CNTN1: variants seen among roughly 807,000 people sequenced by gnomAD.
The protein encoded by CNTN1 is contactin 1.
Under a neutral mutation model 126.4 loss-of-function variants are expected in CNTN1, and 38 were observed. The ratio of observed to expected loss-of-function variants is 0.30; its 90% CI spans 0.23 to 0.39. The LOEUF is 0.39. Among genes scored for constraint, CNTN1 ranks in the 10% least tolerant of loss-of-function variants. CNTN1 has a pLI of 1.00. For synonymous variants in CNTN1, 413 were observed against 422.6 expected (o/e 0.98, Z 0.28); for missense variants, 1,009 against 1,248.4 (o/e 0.81, Z 2.89).
At chr12:40,958,100 C>T (rs2137003088) in intron 14 of CNTN1, among the ~76,000 whole-genome samples, 1 of 152,136 alleles carries the variant, frequency 6.6e-6, no homozygotes, top group African/African-American at 2.4e-5. Context: ...TCCAAGTTTT[C>T]ATTCTAAGAA....
intron 1 of CNTN1, among the ~76,000 whole-genome samples, chr12:40,755,869 GA>G (rs1324741306): frequency 6.6e-6 from 1 of 151,994 alleles, no homozygotes; most frequent in Non-Finnish European, 1.5e-5. Flanking sequence ...TGAGGGAAGG[GA>G]TATTAATAGC....
chr12:40,946,027 G>T (rs1234749914), intron 14 of CNTN1, among the ~76,000 whole-genome samples: 1 of 152,094 alleles, frequency 6.6e-6, no homozygotes, highest in Non-Finnish European at 1.5e-5. Flanking sequence ...CACATGTTTA[G>T]CATGTCATAG....
chr12:40,814,112 G>A (rs1364147356), intron 1 of CNTN1, among the ~76,000 whole-genome samples: 1 of 152,094 alleles, frequency 6.6e-6, no homozygotes, highest in Non-Finnish European at 1.5e-5. Flanking sequence ...TGTCAGATGG[G>A]TAGATTGCAA....
chr12:41,005,792 A>G (rs1004983868), intron 17 of CNTN1, among the ~76,000 whole-genome samples: 18 of 151,934 alleles, frequency 1.2e-4, no homozygotes, highest in South Asian at 4.2e-4. Flanking sequence ...TCTTTTCTAA[A>G]CTGTCTATTT....
chr12:40,939,274 A>C, intron 11 of CNTN1, 61 bp from the exon 12 acceptor site: 1 of 1,562,084 alleles, frequency 6.4e-7, no homozygotes, highest in Non-Finnish European at 8.8e-7. Context: ...TCTACAACAC[A>C]GAAGCAATGT....
At chr12:40,954,712 G>A (rs1207682619) in intron 14 of CNTN1, among the ~76,000 whole-genome samples, 1 of 152,092 alleles carries the variant, frequency 6.6e-6, no homozygotes, top group Non-Finnish European at 1.5e-5. Context: ...ATATACATGG[G>A]TACAGCTTCT....
At chr12:40,742,326 C>T (rs1216784430) in intron 1 of CNTN1, 1 of 152,094 alleles carries the variant, frequency 6.6e-6, no homozygotes, top group Non-Finnish European at 1.5e-5. Flanking sequence ...AGTGGTATTT[C>T]ACCATAGTAG....
chr12:41,033,882 C>CAA (rs34710701), intron 23 of CNTN1, among the ~76,000 whole-genome samples: 126 of 103,226 alleles, frequency 1.2e-3, no homozygotes, highest in African/African-American at 3.8e-3. Flanking sequence ...ACTAAAAATA[C>CAA]AAAAAAAAAA....
intron 1 of CNTN1, among the ~76,000 whole-genome samples, chr12:40,890,937 G>A (rs557031395): frequency 1.3e-5 from 2 of 152,250 alleles, no homozygotes; most frequent in East Asian, 3.9e-4. Flanking sequence ...CTTCCCAAGT[G>A]GCTGAACCAT....
At chr12:40,888,819 A>G (rs1312478489) in intron 1 of CNTN1, among the ~76,000 whole-genome samples, 1 of 152,234 alleles carries the variant, frequency 6.6e-6, no homozygotes, top group Admixed American at 6.5e-5. Context: ...GCTTTCCACA[A>G]ACAAAACAAG....
At chr12:40,886,126 C>A (rs898397199) in intron 1 of CNTN1, among the ~76,000 whole-genome samples, 31 of 152,106 alleles carry the variant, frequency 2.0e-4, no homozygotes, top group African/African-American at 7.5e-4. Flanking sequence ...TATAATCATA[C>A]CGTATGCAAA....
chr12:40,928,974 G>A lies in CNTN1; in HGVS notation c.497-822G>A, dbSNP rs535435249. On this transcript the variant is annotated intron_variant, in intron 6 of 23. Transcript: ENST00000551295. The stretch of plus-strand genomic sequence containing the variant: ...ACTTATATTCTTCCCAGTAGAAATT[G>A]TCTTTATGTGATCAAGATGTTTTGA... 2.7e-4 allele frequency among the ~76,000 whole-genome samples: 41 copies of A among 151,994 alleles called. No individual in the cohort carries two copies. The South Asian group carries it at 5.2e-3, about 19-fold the overall frequency.
chr12:40,991,530 G>C (rs1417526839), intron 16 of CNTN1, among the ~76,000 whole-genome samples: 1 of 152,064 alleles, frequency 6.6e-6, no homozygotes, highest in East Asian at 1.9e-4. Flanking sequence ...AAAGTGTCCA[G>C]TAAAAAAGGG....
chr12:40,829,507 T>A (rs764905609), intron 1 of CNTN1, among the ~76,000 whole-genome samples: 46 of 152,160 alleles, frequency 3.0e-4, no homozygotes, highest in Admixed American at 1.4e-3. Context: ...TTATTTTTTT[T>A]AAAAAGAAAG....
At position 40,903,121 on chromosome 12, in the gene CNTN1, C is replaced by G. The variant is rs547379341; in HGVS notation, c.-76-5236C>G. On this transcript the variant is annotated intron_variant, in intron 1 of 23. Coordinates refer to ENST00000551295, the MANE Select transcript of CNTN1 (RefSeq NM_001843.4). ...AAATTAACAGAGTGCCAGTCCATGT[C>G]AGGGATCCATCAGTCATGGAGACCC... Among the ~76,000 whole-genome samples the G allele has an allele frequency of 6.0e-4, 92 of 152,304 alleles. 1 individual carries two copies. The highest frequency in any genetic ancestry group is 2.1e-3 in the South Asian group (10 of 4,826).
intron 23 of CNTN1, among the ~76,000 whole-genome samples, chr12:41,068,064 T>TA (rs1328914463): frequency 6.6e-6 from 1 of 152,180 alleles, no homozygotes; most frequent in Non-Finnish European, 1.5e-5. Context: ...TCTGCATTTC[T>TA]AAAACCAGTC....
At chr12:40,933,413 A>C in intron 7 of CNTN1, 48 bp from the exon 8 acceptor site, 1 of 1,226,010 alleles carries the variant, frequency 8.2e-7, no homozygotes, top group South Asian at 1.2e-5. Context: ...AGAATAACTA[A>C]TATTGTGCCT....
intron 1 of CNTN1, among the ~76,000 whole-genome samples, chr12:40,739,482 A>G (rs1401677565): frequency 1.3e-5 from 2 of 152,094 alleles, no homozygotes; most frequent in Non-Finnish European, 2.9e-5. Context: ...CAGATTTAGC[A>G]AATAAAAATA....
intron 1 of CNTN1, among the ~76,000 whole-genome samples, chr12:40,812,333 T>A (rs1354462937): frequency 1.3e-5 from 2 of 152,168 alleles, no homozygotes; most frequent in Non-Finnish European, 2.9e-5. Flanking sequence ...TGTGTACACT[T>A]GAGAAGAATA....
Sources: allele counts gnomAD v4.1 joint callset (sites outside exome capture counted in the v4.1 genomes callset), GRCh38; gene constraint gnomAD v4.1.1; transcripts MANE v1.5; gene names NCBI Gene and HGNC (gene_info 2026-07-23, HGNC 2026-07-21).